CLSTN2: variants seen among roughly 807,000 people sequenced by gnomAD.
CLSTN2 encodes calsyntenin-2.
CLSTN2 carries 48 observed loss-of-function variants against 101.2 expected under a neutral mutation model. The ratio of observed to expected loss-of-function variants is 0.47; its 90% CI spans 0.38 to 0.60. The LOEUF (loss-of-function observed/expected upper bound fraction) is 0.60. Among genes scored for constraint, CLSTN2 ranks in the 20% least tolerant of loss-of-function variants. The pLI is 0.00. For missense variants in CLSTN2, 1,160 were observed against 1,238.2 expected, an observed-to-expected ratio of 0.94 and a Z score of 0.95; for synonymous variants, 481 against 463.6, an observed-to-expected ratio of 1.04 and a Z score of -0.48.
intron 1 of CLSTN2, among the ~76,000 whole-genome samples, chr3:140,164,349 G>A (rs1254917467): frequency 6.6e-6 from 1 of 152,096 alleles, no homozygotes; most frequent in Non-Finnish European, 1.5e-5. Flanking sequence ...TGTGGGTCCT[G>A]ATTCCAGCCT....
intron 1 of CLSTN2, among the ~76,000 whole-genome samples, chr3:140,062,241 AC>A (rs2008219476): frequency 6.6e-6 from 1 of 152,046 alleles, no homozygotes; most frequent in Admixed American, 6.5e-5. Context: ...TCTGAGAAGC[AC>A]CTCTTTCTGG....
chr3:140,402,716 A>T (rs1270934944), intron 2 of CLSTN2, among the ~76,000 whole-genome samples: 1 of 152,192 alleles, frequency 6.6e-6, no homozygotes, highest in Admixed American at 6.5e-5. Flanking sequence ...GGGCTGGAGC[A>T]TCTTAGGGTA....
intron 4 of CLSTN2, among the ~76,000 whole-genome samples, chr3:140,406,897 C>G (rs2088309850): frequency 6.6e-6 from 1 of 152,168 alleles, no homozygotes; most frequent in Non-Finnish European, 1.5e-5. Context: ...GTAAACTGCC[C>G]CAGTCATGAA....
At chr3:140,389,778 A>T (rs1309459491) in intron 2 of CLSTN2, among the ~76,000 whole-genome samples, 1 of 152,048 alleles carries the variant, frequency 6.6e-6, no homozygotes, top group African/African-American at 2.4e-5. Flanking sequence ...TTTCTTCACA[A>T]CCTCATCAGC....
At chr3:139,941,545 T>A (rs1834501) in intron 1 of CLSTN2, among the ~76,000 whole-genome samples, 2,751 of 152,270 alleles carry the variant, frequency 0.018, 74 homozygotes, top group East Asian at 0.13. Flanking sequence ...CAGAACTTGG[T>A]GACTTATGGG....
intron 1 of CLSTN2, among the ~76,000 whole-genome samples, chr3:140,137,896 T>C (rs1382651601): frequency 6.6e-6 from 1 of 152,182 alleles, no homozygotes; most frequent in Non-Finnish European, 1.5e-5. Flanking sequence ...CCCAGGTCCA[T>C]GTGATTCCAA....
intron 2 of CLSTN2, among the ~76,000 whole-genome samples, chr3:140,242,538 T>C (rs1269710359): frequency 1.3e-5 from 2 of 152,142 alleles, no homozygotes; most frequent in African/African-American, 4.8e-5. Context: ...GAAGTTAACA[T>C]TTTCCAAAAT....
intron 1 of CLSTN2, among the ~76,000 whole-genome samples, chr3:140,135,107 CACACACACACATAT>C (rs1235652408): frequency 2.4e-3 from 127 of 52,452 alleles, no homozygotes; most frequent in African/African-American, 0.013. Context: ...CACACACACA[CACACACACACATAT>C]ATATATATAT....
intron 1 of CLSTN2, among the ~76,000 whole-genome samples, chr3:140,032,892 G>A (rs2007584880): frequency 6.6e-6 from 1 of 152,216 alleles, no homozygotes; most frequent in Admixed American, 6.5e-5. Context: ...GAGTTGGTCT[G>A]TGAGCAAACT....
At chr3:139,946,574 G>A (rs1935219025) in intron 1 of CLSTN2, among the ~76,000 whole-genome samples, 1 of 152,226 alleles carries the variant, frequency 6.6e-6, no homozygotes, top group Non-Finnish European at 1.5e-5. Flanking sequence ...AGGATCTGCA[G>A]GGAGGTAGGG....
intron 6 of CLSTN2, among the ~76,000 whole-genome samples, chr3:140,451,265 T>G (rs972255529): frequency 1.3e-5 from 2 of 152,140 alleles, no homozygotes; most frequent in Admixed American, 6.5e-5. Context: ...TGGGGAGATA[T>G]GGAGTGTAAT....
At chr3:140,550,250 A>G (rs1408057030) in intron 10 of CLSTN2, among the ~76,000 whole-genome samples, 4 of 151,486 alleles carry the variant, frequency 2.6e-5, no homozygotes, top group Non-Finnish European at 2.9e-5. Context: ...CAGGCAAGGG[A>G]TCATGATCTC....
At chr3:140,102,117 G>A (rs2008977128) in intron 1 of CLSTN2, among the ~76,000 whole-genome samples, 2 of 152,186 alleles carry the variant, frequency 1.3e-5, no homozygotes, top group South Asian at 4.1e-4. Flanking sequence ...TCATACAGAG[G>A]TTGCTGGCTG....
intron 1 of CLSTN2, among the ~76,000 whole-genome samples, chr3:140,134,442 A>G (rs1300026128): frequency 1.3e-5 from 2 of 152,040 alleles, no homozygotes; most frequent in South Asian, 2.1e-4. Flanking sequence ...CACCCCACCC[A>G]TCTGGCCTCC....
intron 2 of CLSTN2, among the ~76,000 whole-genome samples, chr3:140,208,068 T>C (rs1165738535): frequency 6.6e-6 from 1 of 152,228 alleles, no homozygotes; most frequent in Non-Finnish European, 1.5e-5. Flanking sequence ...TTTGTGCTTT[T>C]AAATTTTGAT....
At chr3:140,486,131 C>T (rs1009763202) in intron 8 of CLSTN2, among the ~76,000 whole-genome samples, 39 of 151,808 alleles carry the variant, frequency 2.6e-4, no homozygotes, top group African/African-American at 9.4e-4. Context: ...GAGAAAAAGA[C>T]ACATTACATA....
chr3:140,247,450 G>A (rs1039471593), intron 2 of CLSTN2, among the ~76,000 whole-genome samples: 4 of 152,188 alleles, frequency 2.6e-5, no homozygotes, highest in African/African-American at 9.6e-5. Flanking sequence ...GTGCCCAGAA[G>A]TACATTTACA....
chr3:140,153,763 G>A (rs1385301851), intron 1 of CLSTN2, among the ~76,000 whole-genome samples: 1 of 152,196 alleles, frequency 6.6e-6, no homozygotes, highest in African/African-American at 2.4e-5. Context: ...AGGCCTTGGG[G>A]TAATGGGAAG....
At chr3:140,347,466 C>T (rs2087560696) in intron 2 of CLSTN2, among the ~76,000 whole-genome samples, 1 of 152,214 alleles carries the variant, frequency 6.6e-6, no homozygotes, top group Non-Finnish European at 1.5e-5. Flanking sequence ...CATATTAACT[C>T]ATCATGATTC....
Sources: allele counts gnomAD v4.1 joint callset (sites outside exome capture counted in the v4.1 genomes callset), GRCh38; gene constraint gnomAD v4.1.1; transcripts MANE v1.5; gene names NCBI Gene and HGNC (gene_info 2026-07-23, HGNC 2026-07-21).